STPG2: variants seen among roughly 807,000 people sequenced by gnomAD.
STPG2 encodes sperm-tail PG-rich repeat-containing protein 2.
Under a neutral mutation model 54.2 loss-of-function variants are expected in STPG2, and 56 were observed. That is an observed-to-expected ratio of 1.03 (90% confidence interval 0.83 to 1.29). STPG2 has a LOEUF of 1.29. Among genes scored for constraint, STPG2 ranks in the 50% most tolerant of loss-of-function variants. STPG2 has a pLI of 0.00. For missense variants in STPG2, 596 were observed against 544.9 expected, an observed-to-expected ratio of 1.09 and a Z score of -0.93; for synonymous variants, 200 against 181.8, an observed-to-expected ratio of 1.10 and a Z score of -0.81.
chr4:97,835,522 T>G (rs1728605032), intron 9 of STPG2, among the ~76,000 whole-genome samples: 1 of 152,134 alleles, frequency 6.6e-6, no homozygotes, highest in Admixed American at 6.6e-5. Context: ...AAGGCACCTG[T>G]CACCCAAGAG....
intron 9 of STPG2, among the ~76,000 whole-genome samples, chr4:97,783,011 T>C (rs1432320706): frequency 1.3e-5 from 2 of 152,194 alleles, no homozygotes; most frequent in Non-Finnish European, 1.5e-5. Context: ...ATTCAGGACA[T>C]AGGCATGGGC....
At chr4:97,634,961 C>T (rs1168936830) in intron 10 of STPG2, among the ~76,000 whole-genome samples, 1 of 152,104 alleles carries the variant, frequency 6.6e-6, no homozygotes, top group Non-Finnish European at 1.5e-5. Context: ...CAAGGCAGGC[C>T]AATGTTCAGA....
intron 10 of STPG2, among the ~76,000 whole-genome samples, chr4:97,674,181 C>A (rs1475509258): frequency 1.3e-5 from 2 of 152,064 alleles, no homozygotes; most frequent in African/African-American, 4.8e-5. Context: ...TGTGGTCCCT[C>A]TAATCAGATC....
intron 9 of STPG2, among the ~76,000 whole-genome samples, chr4:97,770,807 A>G (rs1363162847): frequency 6.6e-6 from 1 of 152,202 alleles, no homozygotes; most frequent in Non-Finnish European, 1.5e-5. Context: ...AATTGTCGCT[A>G]TTGAGACATG....
chr4:97,633,316 T>C (rs1036245644), intron 10 of STPG2, among the ~76,000 whole-genome samples: 2 of 152,160 alleles, frequency 1.3e-5, no homozygotes, highest in Non-Finnish European at 1.5e-5. Flanking sequence ...GGAATATTGT[T>C]TGCTACAAAC....
chr4:97,660,781 G>A (rs925634499), intron 10 of STPG2, among the ~76,000 whole-genome samples: 3 of 152,104 alleles, frequency 2.0e-5, no homozygotes, highest in East Asian at 1.9e-4. Flanking sequence ...TATAGACAAC[G>A]AAATGCAGGC....
chr4:97,968,601 C>T (rs2149254125), intron 7 of STPG2, among the ~76,000 whole-genome samples: 1 of 152,278 alleles, frequency 6.6e-6, no homozygotes, highest in East Asian at 1.9e-4. Context: ...ATCAAGTTGG[C>T]TTCATCCCTG....
intron 4 of STPG2, among the ~76,000 whole-genome samples, chr4:97,469,516 G>C (rs546198732): frequency 2.6e-5 from 4 of 152,198 alleles, no homozygotes; most frequent in African/African-American, 9.6e-5. Flanking sequence ...AAAGTACAGT[G>C]AGAGAGCAGA....
At chr4:97,663,908 A>G (rs1722448169) in intron 10 of STPG2, among the ~76,000 whole-genome samples, 1 of 152,330 alleles carries the variant, frequency 6.6e-6, no homozygotes, top group South Asian at 2.1e-4. Flanking sequence ...GTTAATACTT[A>G]GTTTAAATTA....
intron 8 of STPG2, among the ~76,000 whole-genome samples, chr4:97,930,169 T>G (rs1732488649): frequency 6.6e-6 from 1 of 152,158 alleles, no homozygotes; most frequent in Admixed American, 6.5e-5. Context: ...AGTGCTGGGA[T>G]TACAGGCATG....
At chr4:97,688,406 A>G (rs1206241308) in intron 10 of STPG2, among the ~76,000 whole-genome samples, 1 of 152,122 alleles carries the variant, frequency 6.6e-6, no homozygotes, top group African/African-American at 2.4e-5. Context: ...TGGCTCTGTC[A>G]CCCAGGCTGG....
At chr4:97,746,154 G>C (rs1725415200) in intron 9 of STPG2, among the ~76,000 whole-genome samples, 1 of 151,114 alleles carries the variant, frequency 6.6e-6, no homozygotes, top group Non-Finnish European at 1.5e-5. Context: ...AGATTCATAA[G>C]AATTACAGAC....
intron 4 of STPG2, among the ~76,000 whole-genome samples, chr4:97,529,591 G>A (rs879397098): frequency 1.3e-5 from 2 of 152,070 alleles, no homozygotes; most frequent in African/African-American, 2.4e-5. Context: ...GGTAGAATTC[G>A]GCTATGAATC....
intron 5 of STPG2, among the ~76,000 whole-genome samples, chr4:98,004,363 G>A (rs1735509020): frequency 6.6e-6 from 1 of 152,022 alleles, no homozygotes; most frequent in South Asian, 2.1e-4. Flanking sequence ...GTGTATGTGT[G>A]TCACACTTTC....
At chr4:97,563,847 C>G (rs969981400) in intron 10 of STPG2, among the ~76,000 whole-genome samples, 3 of 152,046 alleles carry the variant, frequency 2.0e-5, no homozygotes, top group African/African-American at 7.2e-5. Flanking sequence ...CTGAGGAGAG[C>G]TTTACTTCTA....
At chr4:97,776,003 C>G (rs1355285736) in intron 9 of STPG2, among the ~76,000 whole-genome samples, 1 of 152,062 alleles carries the variant, frequency 6.6e-6, no homozygotes, top group Non-Finnish European at 1.5e-5. Context: ...CTCACATGAC[C>G]TCCCCACCTC....
At chr4:97,561,212 C>T (rs1198078209) in intron 10 of STPG2, among the ~76,000 whole-genome samples, 2 of 152,138 alleles carry the variant, frequency 1.3e-5, no homozygotes, top group African/African-American at 2.4e-5. Flanking sequence ...TGATGGTGAG[C>T]ATTTTTTCAT....
At chr4:97,542,288 C>T (rs1368218076) in intron 4 of STPG2, among the ~76,000 whole-genome samples, 1 of 152,108 alleles carries the variant, frequency 6.6e-6, no homozygotes, top group Non-Finnish European at 1.5e-5. Context: ...CAACAAACAA[C>T]CCCATCAAAA....
rs930284764 is a variant in STPG2, at chr4:98,026,283, A to G, written c.613-44965T>C. On this transcript the variant is annotated intron_variant, in intron 5 of 10. Transcript: ENST00000295268. The stretch of plus-strand genomic sequence containing the variant: ...TGAGAGCTAAACCAAACAATTTTCT[A>G]TGAAGATTTTCAGATAAAGACAATA... The G allele has an allele frequency of 6.4e-5, 48 of 744,534 alleles. No individual in the cohort carries two copies. The Admixed American group carries it at 1.1e-3, about 17-fold the overall frequency. The allele number at this position is 744,534 out of a possible 1,614,324, so 46.1% of individuals were successfully genotyped here.
Sources: allele counts gnomAD v4.1 joint callset (sites outside exome capture counted in the v4.1 genomes callset), GRCh38; gene constraint gnomAD v4.1.1; transcripts MANE v1.5; gene names NCBI Gene and HGNC (gene_info 2026-07-23, HGNC 2026-07-21).